UBE3D: variants seen among roughly 807,000 people sequenced by gnomAD.
UBE3D encodes the protein ubiquitin protein ligase E3D.
UBE3D carries 48 observed loss-of-function variants against 49.6 expected under a neutral mutation model. The observed-to-expected ratio is 0.97, with a 90% CI of 0.77 to 1.23. UBE3D has a LOEUF of 1.23. Ranked by LOEUF, UBE3D falls within the 50% of genes most tolerant of loss-of-function variation. The pLI, the probability that UBE3D is intolerant of heterozygous loss-of-function variation, is 0.00. For synonymous variants in UBE3D, 189 were observed against 174.2 expected (o/e 1.08, Z -0.67); for missense variants, 452 against 468.4 (o/e 0.96, Z 0.32).
chr6:83,041,291 T>C (rs1027431260), intron 4 of UBE3D, among the ~76,000 whole-genome samples: 1 of 152,212 alleles, frequency 6.6e-6, no homozygotes. Flanking sequence ...TGTTTGCTTG[T>C]TTTTAAAATA....
chr6:83,000,712 TTCTC>T (rs144122949), intron 8 of UBE3D, among the ~76,000 whole-genome samples: 3 of 152,024 alleles, frequency 2.0e-5, no homozygotes, highest in Non-Finnish European at 2.9e-5. Flanking sequence ...CTATGCCTGT[TTCTC>T]TCTCTCTCTA....
At chr6:82,928,295 C>G (rs550648639) in intron 9 of UBE3D, among the ~76,000 whole-genome samples, 2 of 152,124 alleles carry the variant, frequency 1.3e-5, no homozygotes, top group South Asian at 4.1e-4. Context: ...TCCTGTCAAC[C>G]ACTAAAAATA....
At chr6:83,062,733 A>G (rs1157464718) in intron 1 of UBE3D, among the ~76,000 whole-genome samples, 1 of 152,176 alleles carries the variant, frequency 6.6e-6, no homozygotes, top group Admixed American at 6.5e-5. Flanking sequence ...TTTATACAGA[A>G]AGACATAAGA....
At chr6:83,058,069 A>T (rs993819469) in intron 1 of UBE3D, 47 bp from the exon 2 acceptor site, 5 of 1,592,938 alleles carry the variant, frequency 3.1e-6, no homozygotes, top group Non-Finnish European at 4.3e-6. Flanking sequence ...TCACAATGAA[A>T]ACCACATGAT....
At chr6:82,910,298 TAC>T (rs1299251876) in intron 9 of UBE3D, among the ~76,000 whole-genome samples, 1 of 152,200 alleles carries the variant, frequency 6.6e-6, no homozygotes, top group Non-Finnish European at 1.5e-5. Flanking sequence ...TGAGGTCTTG[TAC>T]ACAGAAGGTT....
chr6:83,047,760 G>A (rs1229257165), intron 3 of UBE3D, among the ~76,000 whole-genome samples: 1 of 152,052 alleles, frequency 6.6e-6, no homozygotes, highest in Non-Finnish European at 1.5e-5. Flanking sequence ...CCTGTACAGA[G>A]GAGGAAAGTG....
intron 9 of UBE3D, among the ~76,000 whole-genome samples, chr6:82,932,273 T>G (rs907904444): frequency 1.4e-4 from 22 of 152,144 alleles, no homozygotes; most frequent in African/African-American, 5.1e-4. Context: ...TATAGAGTAG[T>G]TTCACTGGAA....
At chr6:82,909,891 C>T (rs1772375291) in intron 9 of UBE3D, among the ~76,000 whole-genome samples, 1 of 152,162 alleles carries the variant, frequency 6.6e-6, no homozygotes, top group Admixed American at 6.5e-5. Flanking sequence ...CTTCCCCTTC[C>T]TCCCAACTTC....
chr6:82,947,810 T>C (rs1775515866), intron 9 of UBE3D, among the ~76,000 whole-genome samples: 1 of 152,140 alleles, frequency 6.6e-6, no homozygotes, highest in African/African-American at 2.4e-5. Context: ...GAAAAATTTC[T>C]TGAAACAAAT....
At chr6:82,932,730 C>T (rs1774257222) in intron 9 of UBE3D, 1 of 152,002 alleles carries the variant, frequency 6.6e-6, no homozygotes, top group South Asian at 2.1e-4. Context: ...ATAAGTAATG[C>T]TAAGGGTGTG....
At chr6:82,883,819 G>A in the UBE3D span, among the ~76,000 whole-genome samples, 1 of 152,150 alleles carries the variant, frequency 6.6e-6, no homozygotes, top group Non-Finnish European at 1.5e-5. Context: ...CAAAGCTTGT[G>A]TTATAGCACT....
intron 5 of UBE3D, chr6:83,037,615 C>A (rs1240224219): frequency 1.3e-5 from 2 of 152,138 alleles, no homozygotes; most frequent in East Asian, 1.9e-4. Context: ...AAAATACCAT[C>A]ATCTGCCTTC....
At chr6:82,896,644 A>T (rs1056792664) in intron 9 of UBE3D, among the ~76,000 whole-genome samples, 4 of 152,244 alleles carry the variant, frequency 2.6e-5, no homozygotes, top group Non-Finnish European at 5.9e-5. Context: ...CATTTGTGTG[A>T]CACGTTAAAC....
chr6:82,994,573 C>T (rs764121412), intron 8 of UBE3D, among the ~76,000 whole-genome samples: 10 of 152,070 alleles, frequency 6.6e-5, no homozygotes, highest in Non-Finnish European at 1.0e-4. Flanking sequence ...TGGGTGGATT[C>T]GAGGTGACAC....
At chr6:83,021,322 T>G (rs1781073585) in intron 7 of UBE3D, among the ~76,000 whole-genome samples, 1 of 151,786 alleles carries the variant, frequency 6.6e-6, no homozygotes, top group Admixed American at 6.6e-5. Context: ...AGGCCTGGAG[T>G]CTCAGCTATT....
chr6:82,941,032 G>A (rs1325057398), intron 9 of UBE3D, among the ~76,000 whole-genome samples: 1 of 152,082 alleles, frequency 6.6e-6, no homozygotes, highest in Non-Finnish European at 1.5e-5. Flanking sequence ...GGCCAATACG[G>A]TGAAACCCCA....
At chr6:82,965,786 T>C (rs2127785959) in intron 8 of UBE3D, among the ~76,000 whole-genome samples, 1 of 152,252 alleles carries the variant, frequency 6.6e-6, no homozygotes, top group South Asian at 2.1e-4. Context: ...GAGAGAAAAG[T>C]GTAATGAACC....
At chr6:82,943,622 C>T (rs1445698061) in intron 9 of UBE3D, among the ~76,000 whole-genome samples, 6 of 152,112 alleles carry the variant, frequency 3.9e-5, no homozygotes, top group South Asian at 2.1e-4. Context: ...GATGACAGAG[C>T]GAGACCCTGT....
intron 4 of UBE3D, among the ~76,000 whole-genome samples, chr6:83,039,633 TTTTTG>T (rs770228501): frequency 2.0e-5 from 3 of 152,132 alleles, no homozygotes; most frequent in African/African-American, 7.2e-5. Flanking sequence ...GTTTTGTTTT[TTTTTG>T]TTTTGTTTTA....
Sources: gnomAD v4.1 joint callset for allele counts (sites outside exome capture counted in the v4.1 genomes callset) on GRCh38, gnomAD v4.1.1 for gene constraint, MANE v1.5 for transcripts, NCBI Gene and HGNC (gene_info 2026-07-23, HGNC 2026-07-21) for gene names.